Variants in ZNF234 observed in about 807,000 individuals in gnomAD.
ZNF234 encodes C2-H2 type zinc finger protein.
Under a neutral mutation model 10.3 loss-of-function variants are expected in ZNF234, and 4 were observed. The ratio of observed to expected loss-of-function variants is 0.39; its 90% CI spans 0.19 to 0.89. The LOEUF (loss-of-function observed/expected upper bound fraction) is 0.89. Ranked by LOEUF, ZNF234 falls within the 40% of genes least tolerant of loss-of-function variation. The probability of loss-of-function intolerance (pLI) is 0.38; values close to 1 mark genes in which losing one functional copy is unlikely to be tolerated. For synonymous variants in ZNF234, 258 were observed against 280.1 expected (o/e 0.92, Z 0.79); for missense variants, 711 against 836.1 (o/e 0.85, Z 1.85).
rs1599705578 is a variant in ZNF234, at chr19:44,158,288, T to G, written c.*169T>G. Reference sequence around the variant, plus strand: ...TTATTTTTTGTTTTGAAACAGAATCTCGCTCTGTTGCCCATGCTGGATGCA... The same window carrying G: ...TTATTTTTTGTTTTGAAACAGAATCGCGCTCTGTTGCCCATGCTGGATGCA... On this transcript the variant is annotated 3_prime_UTR_variant, in exon 6 of 6. Transcript: ENST00000426739. 3.9e-6 allele frequency: 3 copies of G among 762,794 alleles called. No homozygotes were observed. The highest frequency in any genetic ancestry group is 3.0e-5 in the South Asian group (2 of 66,370). 47.3% of individuals were successfully genotyped at this position (762,794 alleles called of 1,614,324 possible).
chr19:44,146,579 ATACCT>A lies in ZNF234; in HGVS notation c.15+1936_15+1940del, dbSNP rs1157873763. 3.9e-5 allele frequency among the ~76,000 whole-genome samples: 6 copies of A among 152,308 alleles called. 1 individual carries two copies. The highest frequency in any genetic ancestry group is 7.4e-5 in the Non-Finnish European group (5 of 68,018). ...AGTGTTTTAGTGGGTGTGACAAAAG[ATACCT>A]TACAGAGTATTAAGAGAAAAACAAG... On this transcript the variant is annotated intron_variant, in intron 3 of 5. Coordinates refer to ENST00000426739, the MANE Select transcript of ZNF234 (RefSeq NM_006630.3).
chr19:44,144,628 GA>G lies in ZNF234; in HGVS notation c.1del. 8 of 1,572,826 alleles carry G rather than the reference GA, an allele frequency of 5.1e-6. No homozygotes were observed. The highest frequency in any genetic ancestry group is 1.7e-5 in the Admixed American group (1 of 57,188). On this transcript the variant is annotated 5_prime_UTR_variant, in exon 3 of 6. Transcript: ENST00000426739. The stretch of plus-strand genomic sequence containing the variant: ...CTCTGCAAATTCCCAGAAACAGGAG[GA>G]AAAATGACCACATTCAAGGTGAATA...
Position 44,151,331 on chromosome 19 carries a change from T to G in ZNF234, c.235+826T>G, listed in dbSNP as rs531391781. Among the ~76,000 whole-genome samples, 1,341 of 152,110 alleles carry G rather than the reference T, an allele frequency of 8.8e-3. 18 individuals carry two copies. Among genetic ancestry groups the G allele is most frequent in the African/African-American group, 0.031 (1,287 of 41,516 alleles). ...GATTCTTCTGCCTCAGCCTCCCAAG[T>G]AGCTGGGATTACAGGTGCCTGTAAC... On this transcript the variant is annotated intron_variant, in intron 5 of 5. Coordinates refer to ENST00000426739, the MANE Select transcript of ZNF234 (RefSeq NM_006630.3).
chr19:44,157,947 G>A lies in ZNF234; in HGVS notation c.1931G>A (p.Arg644Gln), dbSNP rs924122796. The A allele has an allele frequency of 6.2e-6, 10 of 1,613,904 alleles. No homozygotes were observed. Among genetic ancestry groups the A allele is most frequent in the Non-Finnish European group, 7.6e-6 (9 of 1,179,940 alleles). ...TCTTCACAATTACAGTATCATAGGCGAGTTCACACTGGGGAAAAACCTTAC... is the reference window on the plus strand; with the variant it reads ...TCTTCACAATTACAGTATCATAGGCAAGTTCACACTGGGGAAAAACCTTAC... Reference protein sequence around the residue: ...SRSSQLQYHRRVHTGEKPYKC... With the variant: ...SRSSQLQYHRQVHTGEKPYKC... The change falls in exon 6 of 6, where the codon CGA becomes CAA. Residue 644 changes from arginine (R) to glutamine (Q), a missense_variant. By Grantham distance (43) the Arg-to-Gln change is conservative. Transcript: ENST00000426739.
chr19:44,145,692 G>A (rs1162768465), intron 3 of ZNF234, among the ~76,000 whole-genome samples: 1 of 152,190 alleles, frequency 6.6e-6, no homozygotes, highest in Non-Finnish European at 1.5e-5. Flanking sequence ...GTGACTGGCT[G>A]TAGATAGAAT....
chr19:44,148,787 A>G lies in ZNF234; in HGVS notation c.32A>G (p.Lys11Arg). 6.2e-7 allele frequency: 1 copy of G among 1,613,934 alleles called. No individual in the cohort carries two copies. The highest frequency in any genetic ancestry group is 8.5e-7 in the Non-Finnish European group (1 of 1,179,876). Residue 11 changes from lysine (K) to arginine (R), a missense_variant, in exon 4 of 6, where the codon AAG becomes AGG. Transcript: ENST00000426739. ...ATGTTATAGGAGGGACTGACCTTCA[A>G]GGATGTGGCTGTGGTCTTCACTGAG... MTTFKEGLTF[K>R]DVAVVFTEEE...
At chr19:44,144,495 C>A in intron 2 of ZNF234, 62 bp from the exon 3 acceptor site, 2 of 616,244 alleles carry the variant, frequency 3.2e-6, no homozygotes, top group Non-Finnish European at 5.2e-6. Context: ...TCACAGTACA[C>A]ATCTGTGTTG....
At chr19:44,153,578 A>G (rs1378963335) in intron 5 of ZNF234, among the ~76,000 whole-genome samples, 1 of 152,144 alleles carries the variant, frequency 6.6e-6, no homozygotes, top group Admixed American at 6.6e-5. Flanking sequence ...GAAAGGCCCA[A>G]CTTACCTACA....
chr19:44,158,178 G>A lies in ZNF234; in HGVS notation c.*59G>A. The A allele has an allele frequency of 1.3e-6, 2 of 1,565,938 alleles. No homozygotes were observed. The highest frequency in any genetic ancestry group is 1.7e-6 in the Non-Finnish European group (2 of 1,149,484). On this transcript the variant is annotated 3_prime_UTR_variant, in exon 6 of 6. Transcript: ENST00000426739. ...TGAATGCTTGTAATTAGATTTCATA[G>A]GAGGGAAAAATTTTCTTTATCAACC... is the stretch of plus-strand genomic sequence containing the variant.
At position 44,156,847 on chromosome 19, in the gene ZNF234, A is replaced by G. The variant is rs761956659; in HGVS notation, c.831A>G (p.Glu277=). 1.8e-5 allele frequency: 29 copies of G among 1,609,852 alleles called. No individual in the cohort carries two copies. The highest frequency in any genetic ancestry group is 2.5e-5 in the Non-Finnish European group (29 of 1,176,918). ...RAFIHASHLQ[E]HQRIHTGEKP... Reference sequence around the variant, plus strand: ...TCATACATGCTTCCCATCTTCAGGAACATCAGAGAATTCATACTGGGGAGA... The same window carrying G: ...TCATACATGCTTCCCATCTTCAGGAGCATCAGAGAATTCATACTGGGGAGA... Residue 277 remains glutamate (E), a synonymous_variant, in exon 6 of 6, where the codon GAA becomes GAG. Transcript: ENST00000426739.
At chr19:44,150,640 G>A (rs1440948539) in intron 5 of ZNF234, 135 bp downstream of exon 5, 2 of 625,090 alleles carry the variant, frequency 3.2e-6, no homozygotes, top group Non-Finnish European at 5.6e-6. Flanking sequence ...CGTACTGGGC[G>A]CACTGCATCC....
At chr19:44,151,036 A>G (rs1232423804) in intron 5 of ZNF234, among the ~76,000 whole-genome samples, 1 of 151,004 alleles carries the variant, frequency 6.6e-6, no homozygotes. Flanking sequence ...CATCTTAAAA[A>G]AAAAAAAAAT....
chr19:44,156,667 A>C lies in ZNF234; in HGVS notation c.651A>C (p.Ser217=). The stretch of plus-strand genomic sequence containing the variant: ...GTGGTAAGGAATTTAGTCAGAGCTC[A>C]CATCTTCAAACTCATCAGAGAGTCC... ...DVCGKEFSQS[S]HLQTHQRVHT... The change falls in exon 6 of 6, where the codon TCA becomes TCC. Residue 217 remains serine (S), a synonymous_variant. Transcript: ENST00000426739. 1 of 1,614,232 alleles carries C rather than the reference A, an allele frequency of 6.2e-7. No homozygotes were observed. The highest frequency in any genetic ancestry group is 1.3e-5 in the African/African-American group (1 of 75,058).
At chr19:44,145,276 T>C (rs1369933938) in intron 3 of ZNF234, among the ~76,000 whole-genome samples, 1 of 152,238 alleles carries the variant, frequency 6.6e-6, no homozygotes, top group Non-Finnish European at 1.5e-5. Flanking sequence ...TACTAAATAA[T>C]GTTCATTTTT....
At position 44,156,669 on chromosome 19, in the gene ZNF234, A is replaced by G. The variant is rs201819081; in HGVS notation, c.653A>G (p.His218Arg). 599 of 1,614,206 alleles carry G rather than the reference A, an allele frequency of 3.7e-4. 1 individual carries two copies. The highest frequency in any genetic ancestry group is 4.4e-4 in the Non-Finnish European group (525 of 1,180,024). ...GGTAAGGAATTTAGTCAGAGCTCACATCTTCAAACTCATCAGAGAGTCCAC... is the reference window on the plus strand; with the variant it reads ...GGTAAGGAATTTAGTCAGAGCTCACGTCTTCAAACTCATCAGAGAGTCCAC... ...VCGKEFSQSSHLQTHQRVHTV... is the reference protein window; with the variant it reads ...VCGKEFSQSSRLQTHQRVHTV... The change falls in exon 6 of 6, where the codon CAT becomes CGT. Residue 218 changes from histidine to arginine, a missense_variant. Coordinates refer to ENST00000426739, the MANE Select transcript of ZNF234 (RefSeq NM_006630.3).
At chr19:44,146,588 A>G (rs1218765573) in intron 3 of ZNF234, among the ~76,000 whole-genome samples, 3 of 152,180 alleles carry the variant, frequency 2.0e-5, no homozygotes, top group Non-Finnish European at 4.4e-5. Context: ...GATACCTTAC[A>G]GAGTATTAAG....
chr19:44,156,813 G>A lies in ZNF234; in HGVS notation c.797G>A (p.Gly266Glu). 1 of 1,609,456 alleles carries A rather than the reference G, an allele frequency of 6.2e-7. No individual in the cohort carries two copies. The highest frequency in any genetic ancestry group is 8.5e-7 in the Non-Finnish European group (1 of 1,176,588). ...AAACCTTACAATTGTGAGGAATGTGGAAGGGCCTTCATACATGCTTCCCAT... is the reference window on the plus strand; with the variant it reads ...AAACCTTACAATTGTGAGGAATGTGAAAGGGCCTTCATACATGCTTCCCAT... ...GEKPYNCEECGRAFIHASHLQ... is the reference protein window; with the variant it reads ...GEKPYNCEECERAFIHASHLQ... Residue 266 changes from glycine (G) to glutamate (E), a missense_variant, in exon 6 of 6, where the codon GGA becomes GAA. Gly to Glu is a moderately conservative substitution (Grantham distance 98). Transcript: ENST00000426739.
Position 44,157,267 on chromosome 19 carries a change from G to T in ZNF234, c.1251G>T (p.Val417=). The T allele has an allele frequency of 6.2e-7, 1 of 1,613,952 alleles. No homozygotes were observed. The highest frequency in any genetic ancestry group is 8.5e-7 in the Non-Finnish European group (1 of 1,179,952). The change falls in exon 6 of 6, where the codon GTG becomes GTT. Residue 417 remains valine (V), a synonymous_variant. Transcript: ENST00000426739. The stretch of plus-strand genomic sequence containing the variant: ...TCAGAATGAAAATTCATTATCAAGT[G>T]CATCTGGTAGTCCACACAGGGGAAA... ...KSFRMKIHYQ[V]HLVVHTGEKP... is the part of the protein sequence containing the mutation.
In ZNF234 at chr19:44,158,006, C is replaced by A. The variant is rs753541264; in HGVS notation, c.1990C>A (p.Arg664=). Reference sequence around the variant, plus strand: ...GATATGTGGTAAGAGGTTCAGCTGGCGATCAAATCTTGTAAGTCATCACAA... The same window carrying A: ...GATATGTGGTAAGAGGTTCAGCTGGAGATCAAATCTTGTAAGTCATCACAA... ...CEICGKRFSW[R]SNLVSHHKIH... The change falls in exon 6 of 6, where the codon CGA becomes AGA. Residue 664 remains arginine (R), a synonymous_variant. Transcript: ENST00000426739. The A allele has an allele frequency of 2.5e-5, 40 of 1,613,500 alleles. No homozygotes were observed. The South Asian group carries it at 4.3e-4, about 17-fold the overall frequency.
Sources: allele counts gnomAD v4.1 joint callset (sites outside exome capture counted in the v4.1 genomes callset), GRCh38; gene constraint gnomAD v4.1.1; transcripts MANE v1.5; gene names NCBI Gene and HGNC (gene_info 2026-07-23, HGNC 2026-07-21).